Variants in GSG1L observed in about 807,000 individuals in gnomAD.
GSG1L encodes the protein GSG1 like, also known as germ cell-specific gene 1-like protein.
GSG1L carries 24 observed loss-of-function variants against 42.1 expected under a neutral mutation model. The observed-to-expected ratio is 0.57, with a 90% CI of 0.41 to 0.80. GSG1L has a LOEUF of 0.80. GSG1L is among the 30% of genes least tolerant of loss of function. The pLI is 0.00. For missense variants in GSG1L, 445 were observed against 472.2 expected (o/e 0.94, Z 0.53); for synonymous variants, 215 against 203.5 (o/e 1.06, Z -0.48).
chr16:27,988,701 A>G (rs1284251236), intron 1 of GSG1L, among the ~76,000 whole-genome samples: 3 of 151,586 alleles, frequency 2.0e-5, no homozygotes, highest in Non-Finnish European at 2.9e-5. Context: ...TTTATGTCAT[A>G]TTAATAAGAG....
At chr16:27,954,813 C>T (rs922933619) in intron 2 of GSG1L, among the ~76,000 whole-genome samples, 6 of 152,060 alleles carry the variant, frequency 3.9e-5, no homozygotes, top group Non-Finnish European at 5.9e-5. Context: ...ACCACCATGT[C>T]CAGTTAATTT....
At position 27,946,721 on chromosome 16, in the gene GSG1L, A is replaced by G. The variant is rs1196916459; in HGVS notation, c.397+16435T>C. ...TAAATGAAGCAAGGGGTATGAGAGT[A>G]TCAGGCTGTGAATGGAATTCTGTGC... On this transcript the variant is annotated intron_variant, in intron 2 of 6. Coordinates refer to ENST00000447459, the MANE Select transcript of GSG1L (RefSeq NM_001109763.2). Among the ~76,000 whole-genome samples the G allele has an allele frequency of 2.0e-5, 3 of 152,118 alleles. No homozygotes were observed. The East Asian group carries it at 5.8e-4, about 29-fold the overall frequency.
chr16:27,933,637 A>G (rs1172230924), intron 2 of GSG1L, among the ~76,000 whole-genome samples: 2 of 125,484 alleles, frequency 1.6e-5, no homozygotes, highest in African/African-American at 3.0e-5. Flanking sequence ...TGACAGAGCA[A>G]GACTTTGTCA....
At chr16:27,857,898 G>T (rs1415596559) in intron 3 of GSG1L, among the ~76,000 whole-genome samples, 2 of 86,274 alleles carry the variant, frequency 2.3e-5, no homozygotes, top group African/African-American at 8.3e-5. Context: ...GCTCTCGGAG[G>T]GCCCTGATCG....
intron 2 of GSG1L, among the ~76,000 whole-genome samples, chr16:27,893,445 T>C (rs964840400): frequency 6.6e-6 from 1 of 152,196 alleles, no homozygotes; most frequent in Non-Finnish European, 1.5e-5. Flanking sequence ...ATGGGCATAA[T>C]TGACTTGTTG....
chr16:27,792,499 C>T (rs531035356), intron 6 of GSG1L, among the ~76,000 whole-genome samples: 8 of 152,302 alleles, frequency 5.3e-5, no homozygotes, highest in Admixed American at 1.3e-4. Flanking sequence ...GTCTTTCTAG[C>T]GCACCAGAAT....
chr16:27,964,341 G>T (rs1567537401), intron 1 of GSG1L, among the ~76,000 whole-genome samples: 1 of 150,550 alleles, frequency 6.6e-6, no homozygotes. Flanking sequence ...AAAAAAAAAT[G>T]TGCATATCAG....
chr16:27,803,537 C>T (rs976844066), intron 6 of GSG1L, among the ~76,000 whole-genome samples: 5 of 152,028 alleles, frequency 3.3e-5, no homozygotes, highest in African/African-American at 1.2e-4. Context: ...GTTATATCCT[C>T]ATCTCAAGGG....
intron 2 of GSG1L, among the ~76,000 whole-genome samples, chr16:27,935,450 CA>C (rs2084704858): frequency 6.6e-6 from 1 of 152,116 alleles, no homozygotes; most frequent in Non-Finnish European, 1.5e-5. Flanking sequence ...GATATTAAGT[CA>C]AAATCTTAAA....
intron 1 of GSG1L, among the ~76,000 whole-genome samples, chr16:27,999,520 C>T (rs926928145): frequency 6.6e-6 from 1 of 152,178 alleles, no homozygotes; most frequent in African/African-American, 2.4e-5. Context: ...TTCCACATCC[C>T]TGGCCCATCA....
At chr16:28,043,546 G>C (rs2086132369) in intron 1 of GSG1L, among the ~76,000 whole-genome samples, 1 of 152,202 alleles carries the variant, frequency 6.6e-6, no homozygotes, top group Non-Finnish European at 1.5e-5. Flanking sequence ...CTGAAGATGG[G>C]TAGCCTGCAT....
chr16:27,825,045 C>T lies in GSG1L; in HGVS notation c.830+3744G>A, dbSNP rs545152272. On this transcript the variant is annotated intron_variant, in intron 5 of 6. Transcript: ENST00000447459. ...GATCTTCCTGGCCACTGCTGCCTGG[C>T]CCGAGATTGAACACCTGACCTACAC... 2.6e-5 allele frequency among the ~76,000 whole-genome samples: 4 copies of T among 152,234 alleles called. No individual in the cohort carries two copies. In the East Asian group the frequency reaches 7.7e-4, roughly 29 times the overall value.
chr16:28,033,261 G>A (rs946818594), intron 1 of GSG1L, among the ~76,000 whole-genome samples: 10 of 152,176 alleles, frequency 6.6e-5, no homozygotes, highest in African/African-American at 2.4e-4. Flanking sequence ...AGCCTTCTCC[G>A]ACCTCACTAT....
intron 1 of GSG1L, among the ~76,000 whole-genome samples, chr16:28,049,428 C>T (rs2086198671): frequency 6.6e-6 from 1 of 151,964 alleles, no homozygotes; most frequent in Non-Finnish European, 1.5e-5. Flanking sequence ...TGCCTGTAAG[C>T]CCAACACTTT....
Position 27,884,468 on chromosome 16 carries a change from G to A in GSG1L, c.550+18C>T, listed in dbSNP as rs2084002705. The A allele has an allele frequency of 6.2e-7, 1 of 1,609,166 alleles. No individual in the cohort carries two copies. Among genetic ancestry groups the A allele is most frequent in the Admixed American group, 1.7e-5 (1 of 59,766 alleles). On this transcript the variant is annotated intron_variant, in intron 3 of 6. Transcript: ENST00000447459. The surrounding 1 kb of genome is among the most constrained non-coding windows in gnomAD (Gnocchi z 4.4). ...CTCGCCTGTGCTCTGAGAGGCCACA[G>A]GACCAGCCATGCCTTACCTGAGAGC... is the stretch of plus-strand genomic sequence containing the variant.
In GSG1L at chr16:28,018,427, G is replaced by A. The variant is rs141491426; in HGVS notation, c.349+44649C>T. Among the ~76,000 whole-genome samples, 608 of 152,190 alleles carry A rather than the reference G, an allele frequency of 4.0e-3. 3 individuals are homozygous for A. Among genetic ancestry groups the A allele is most frequent in the African/African-American group, 0.012 (490 of 41,530 alleles). On this transcript the variant is annotated intron_variant, in intron 1 of 6. Coordinates refer to ENST00000447459, the MANE Select transcript of GSG1L (RefSeq NM_001109763.2). ...CCACTTCCAAATGCAGGAAATAAGG[G>A]GCATTCAGGATGGTGAGAAAGACTT...
chr16:27,848,922 G>A (rs748283704), intron 3 of GSG1L, among the ~76,000 whole-genome samples: 140 of 152,044 alleles, frequency 9.2e-4, no homozygotes, highest in Admixed American at 2.0e-3. Context: ...TGGGCCTGGT[G>A]CGGTGGCTCA....
At chr16:27,926,408 G>T (rs1409357373) in intron 2 of GSG1L, among the ~76,000 whole-genome samples, 2 of 152,158 alleles carry the variant, frequency 1.3e-5, no homozygotes, top group African/African-American at 4.8e-5. Context: ...AGTGGCTCAT[G>T]CCTGAAGCCA....
intron 2 of GSG1L, among the ~76,000 whole-genome samples, chr16:27,892,042 C>T (rs2084134414): frequency 6.6e-6 from 1 of 151,944 alleles, no homozygotes; most frequent in Non-Finnish European, 1.5e-5. Flanking sequence ...CAGCCCAGAC[C>T]TGTGGAATCA....
Sources: gnomAD v4.1 joint callset for allele counts (sites outside exome capture counted in the v4.1 genomes callset) on GRCh38, gnomAD v4.1.1 for gene constraint, Gnocchi (gnomAD v3.1) non-coding constraint, MANE v1.5 for transcripts, NCBI Gene and HGNC (gene_info 2026-07-23, HGNC 2026-07-21) for gene names.